CAB39L: variants seen among roughly 807,000 people sequenced by gnomAD.
CAB39L encodes calcium binding protein 39 like, also known as calcium-binding protein 39-like.
Under a neutral mutation model 39.1 loss-of-function variants are expected in CAB39L, and 23 were observed. The observed-to-expected ratio is 0.59, with a 90% confidence interval of 0.42 to 0.83. CAB39L has a LOEUF of 0.83. Ranked by LOEUF, CAB39L falls within the 40% of genes least tolerant of loss-of-function variation. The pLI, the probability that CAB39L is intolerant of heterozygous loss-of-function variation, is 0.00. For synonymous variants in CAB39L, 126 were observed against 137.2 expected (o/e 0.92, Z 0.57); for missense variants, 366 against 391.9 (o/e 0.93, Z 0.56).
chr13:49,376,766 C>T (rs1460700955), intron 5 of CAB39L, among the ~76,000 whole-genome samples: 3 of 152,172 alleles, frequency 2.0e-5, no homozygotes, highest in African/African-American at 7.2e-5. Context: ...TGCTACCTAG[C>T]TGCATAAAAC....
intron 5 of CAB39L, among the ~76,000 whole-genome samples, chr13:49,367,274 C>T (rs935123291): frequency 3.2e-4 from 49 of 152,318 alleles, no homozygotes; most frequent in African/African-American, 1.1e-3. Flanking sequence ...AGACGTTCAA[C>T]ATTGTTAGCC....
chr13:49,331,976 T>C lies in CAB39L; in HGVS notation c.805A>G (p.Ile269Val). 1 of 1,614,164 alleles carries C rather than the reference T, an allele frequency of 6.2e-7. No individual in the cohort carries two copies. The highest frequency in any genetic ancestry group is 8.5e-7 in the Non-Finnish European group (1 of 1,180,004). Residue 269 changes from isoleucine (I) to valine (V), a missense_variant, in exon 10 of 11, where the codon ATC becomes GTC. Transcript: ENST00000409308. ...MNLLRDKSPN[I>V]QFEAFHVFKV... ...AAAACATGAAAGGCTTCAAACTGGA[T>C]GTTGGGACTTTTATCCCGAAGGAGG...
At chr13:49,325,497 T>G (rs1175908931) in intron 10 of CAB39L, among the ~76,000 whole-genome samples, 1 of 152,156 alleles carries the variant, frequency 6.6e-6, no homozygotes, top group Non-Finnish European at 1.5e-5. Flanking sequence ...TGCTAGAAAG[T>G]GGGTCCTTAG....
At chr13:49,398,550 T>A (rs1956690234) in intron 3 of CAB39L, among the ~76,000 whole-genome samples, 1 of 152,068 alleles carries the variant, frequency 6.6e-6, no homozygotes, top group Non-Finnish European at 1.5e-5. Context: ...ACTTTTTACA[T>A]AAGATTTACA....
Position 49,377,790 on chromosome 13 carries a change from T to C in CAB39L, c.112-659A>G, listed in dbSNP as rs1341226708. Among the ~76,000 whole-genome samples, 118 of 92,480 alleles carry C rather than the reference T, an allele frequency of 1.3e-3. 2 individuals carry two copies. Among genetic ancestry groups the C allele is most frequent in the African/African-American group, 5.6e-3 (91 of 16,112 alleles). The allele number at this position is 92,480 out of a possible 152,430, so 60.7% of individuals were successfully genotyped here. A position where few individuals can be genotyped will look rare whatever the true frequency, so the allele number is the denominator to read the frequency against. ...GCCTTGGCCTCCCAAAGTGCCGAGA[T>C]TGCAGCCTCTGCCCGGCCGCCACCC... On this transcript the variant is annotated intron_variant, in intron 4 of 10. Coordinates refer to ENST00000409308, the MANE Select transcript of CAB39L (RefSeq NM_001079670.3).
chr13:49,414,650 C>T (rs946405735), intron 3 of CAB39L, among the ~76,000 whole-genome samples: 1 of 151,748 alleles, frequency 6.6e-6, no homozygotes, highest in African/African-American at 2.4e-5. Flanking sequence ...ATTTTAAAAT[C>T]ATAAATATTA....
intron 7 of CAB39L, among the ~76,000 whole-genome samples, chr13:49,347,954 C>A (rs1955229795): frequency 6.6e-6 from 1 of 152,046 alleles, no homozygotes; most frequent in South Asian, 2.1e-4. Context: ...TACTCCGCCT[C>A]TCGTTAACTC....
intron 3 of CAB39L, among the ~76,000 whole-genome samples, chr13:49,431,389 A>C (rs963860714): frequency 1.3e-5 from 2 of 152,142 alleles, no homozygotes; most frequent in African/African-American, 2.4e-5. Flanking sequence ...ACTACTTTGG[A>C]AAACGGTTTT....
chr13:49,352,599 A>T (rs961765199), intron 6 of CAB39L, among the ~76,000 whole-genome samples: 1 of 152,044 alleles, frequency 6.6e-6, no homozygotes, highest in East Asian at 1.9e-4. Flanking sequence ...ATAAAAAAAT[A>T]AAAAATTTAG....
intron 7 of CAB39L, among the ~76,000 whole-genome samples, chr13:49,345,433 T>G (rs917131841): frequency 6.6e-6 from 1 of 152,118 alleles, no homozygotes; most frequent in Non-Finnish European, 1.5e-5. Context: ...ACATGGTGTT[T>G]TTCCCCCCCA....
chr13:49,399,669 A>G (rs1032165639), intron 3 of CAB39L, among the ~76,000 whole-genome samples: 1 of 152,054 alleles, frequency 6.6e-6, no homozygotes, highest in Non-Finnish European at 1.5e-5. Context: ...GGAATGCATT[A>G]TTCTTTATTT....
At chr13:49,436,952 G>C (rs529763267) in intron 1 of CAB39L, among the ~76,000 whole-genome samples, 2 of 150,022 alleles carry the variant, frequency 1.3e-5, no homozygotes, top group South Asian at 2.1e-4. Context: ...CTTATTTTTT[G>C]TAGAGACTAG....
intron 4 of CAB39L, among the ~76,000 whole-genome samples, chr13:49,381,964 C>A (rs1956261031): frequency 6.6e-6 from 1 of 152,172 alleles, no homozygotes; most frequent in African/African-American, 2.4e-5. Context: ...ATGTATATGT[C>A]ATCATCCACA....
chr13:49,329,534 T>TAAAAAAAAA (rs777940622), intron 10 of CAB39L, among the ~76,000 whole-genome samples: 4 of 17,408 alleles, frequency 2.3e-4, no homozygotes, highest in African/African-American at 1.3e-3. Flanking sequence ...TCTCTTCAAT[T>TAAAAAAAAA]AAAAAAAAAA....
At chr13:49,429,370 G>A (rs1957286594) in intron 3 of CAB39L, among the ~76,000 whole-genome samples, 1 of 152,082 alleles carries the variant, frequency 6.6e-6, no homozygotes, top group Non-Finnish European at 1.5e-5. Flanking sequence ...TGAAATTACA[G>A]GCATGAGTCA....
chr13:49,361,355 GTAGTCCCAGC>G (rs1456551786), intron 5 of CAB39L, among the ~76,000 whole-genome samples: 33 of 151,512 alleles, frequency 2.2e-4, no homozygotes, highest in African/African-American at 8.0e-4. Context: ...GTGTGCACCT[GTAGTCCCAGC>G]TACTTGGGAG....
intron 9 of CAB39L, among the ~76,000 whole-genome samples, chr13:49,338,513 A>C: frequency 1.4e-5 from 1 of 72,288 alleles, no homozygotes; most frequent in South Asian, 6.0e-4. Context: ...GGGTGGGGGG[A>C]GGGGGTAGGG....
intron 10 of CAB39L, among the ~76,000 whole-genome samples, chr13:49,312,309 A>G (rs926837124): frequency 6.6e-6 from 1 of 152,202 alleles, no homozygotes; most frequent in East Asian, 1.9e-4. Context: ...AGGCCTTCGC[A>G]TTCACTCACC....
At chr13:49,353,495 C>T (rs1955410884) in intron 6 of CAB39L, among the ~76,000 whole-genome samples, 1 of 152,088 alleles carries the variant, frequency 6.6e-6, no homozygotes, top group Non-Finnish European at 1.5e-5. Flanking sequence ...CCATCACATT[C>T]GTTATTTCCC....
Sources: gnomAD v4.1 joint callset for allele counts (sites outside exome capture counted in the v4.1 genomes callset) on GRCh38, gnomAD v4.1.1 for gene constraint, MANE v1.5 for transcripts, NCBI Gene and HGNC (gene_info 2026-07-23, HGNC 2026-07-21) for gene names.